Variants in DTD1 observed in about 807,000 individuals in gnomAD.
DTD1 encodes the protein D-tyrosyl-tRNA deacylase 1 homolog.
DTD1 carries 13 observed loss-of-function variants against 25.6 expected under a neutral mutation model. That is an observed-to-expected ratio of 0.51 (90% CI 0.33 to 0.81). The LOEUF (loss-of-function observed/expected upper bound fraction) is 0.81. DTD1 is among the 30% of genes least tolerant of loss of function. DTD1 has a pLI of 0.02. For missense variants in DTD1, 193 were observed against 266.4 expected (o/e 0.72, Z 1.92); for synonymous variants, 110 against 103.6 (o/e 1.06, Z -0.37).
chr20:18,637,878 CTCCTTT>C (rs1197336269), intron 4 of DTD1, among the ~76,000 whole-genome samples: 2 of 152,086 alleles, frequency 1.3e-5, no homozygotes, highest in African/African-American at 4.8e-5. Context: ...ACAATTTTTT[CTCCTTT>C]GTGTCTCTGC....
At position 18,628,173 on chromosome 20, in the gene DTD1, G is replaced by A. The variant is rs746109514; in HGVS notation, c.417G>A (p.Gly139=). Residue 139 remains glycine, a synonymous_variant, in exon 4 of 6, where the codon GGG becomes GGA. Transcript: ENST00000377452. ...TGCAGGTGCACATTCAGAATGATGGGCCTGTGACCATAGAGCTGGAATCGC... is the reference window on the plus strand; with the variant it reads ...TGCAGGTGCACATTCAGAATGATGGACCTGTGACCATAGAGCTGGAATCGC... ...AYMQVHIQND[G]PVTIELESPA... is the part of the protein sequence containing the mutation. 4 of 1,613,826 alleles carry A rather than the reference G, an allele frequency of 2.5e-6. No homozygotes were observed. The African/African-American group carries it at 5.3e-5, about 22-fold the overall frequency.
intron 4 of DTD1, among the ~76,000 whole-genome samples, chr20:18,701,989 T>A (rs1429703126): frequency 6.6e-6 from 1 of 152,238 alleles, no homozygotes; most frequent in Non-Finnish European, 1.5e-5. Context: ...AGGTCCATTG[T>A]AAAATCTTGC....
chr20:18,648,122 T>C (rs1438544111), intron 4 of DTD1, among the ~76,000 whole-genome samples: 1 of 152,140 alleles, frequency 6.6e-6, no homozygotes, highest in African/African-American at 2.4e-5. Context: ...ATATTATAGA[T>C]AAAGGACCAG....
intron 4 of DTD1, among the ~76,000 whole-genome samples, chr20:18,725,247 G>A (rs1047379965): frequency 2.6e-5 from 4 of 152,186 alleles, no homozygotes; most frequent in African/African-American, 9.7e-5. Context: ...AGCATGGAAA[G>A]GGGCAGTAAC....
At chr20:18,757,315 A>G (rs1218380308) in intron 5 of DTD1, among the ~76,000 whole-genome samples, 2 of 152,198 alleles carry the variant, frequency 1.3e-5, no homozygotes, top group Non-Finnish European at 2.9e-5. Context: ...TATGTTGAAT[A>G]GGAGTGGTGA....
At chr20:18,759,734 AGT>A (rs2061353793) in intron 5 of DTD1, among the ~76,000 whole-genome samples, 1 of 152,216 alleles carries the variant, frequency 6.6e-6, no homozygotes, top group Non-Finnish European at 1.5e-5. Flanking sequence ...CTTCTCGAGC[AGT>A]ATCTTTGTGG....
chr20:18,639,208 T>C (rs2060819880), intron 4 of DTD1, among the ~76,000 whole-genome samples: 1 of 146,956 alleles, frequency 6.8e-6, no homozygotes, highest in African/African-American at 2.5e-5. Flanking sequence ...AGCAAGCAAG[T>C]TCAGGGAAGC....
At chr20:18,762,244 C>G (rs2061365891) in intron 5 of DTD1, among the ~76,000 whole-genome samples, 1 of 152,214 alleles carries the variant, frequency 6.6e-6, no homozygotes. Flanking sequence ...GTATTGAAAT[C>G]TTTTGCTTTT....
At chr20:18,646,392 AC>A (rs1446022011) in intron 4 of DTD1, among the ~76,000 whole-genome samples, 13 of 152,124 alleles carry the variant, frequency 8.5e-5, no homozygotes, top group Admixed American at 8.5e-4. Flanking sequence ...TCCTGAATCT[AC>A]CATTCACCCC....
At chr20:18,667,360 C>T (rs2060935119) in intron 4 of DTD1, among the ~76,000 whole-genome samples, 1 of 152,176 alleles carries the variant, frequency 6.6e-6, no homozygotes, top group Admixed American at 6.5e-5. Context: ...AAAGATGGCT[C>T]AGCTCATCCT....
At chr20:18,596,291 T>C (rs2060611424) in intron 3 of DTD1, 50 bp downstream of exon 3, 1 of 1,493,430 alleles carries the variant, frequency 6.7e-7, no homozygotes, top group African/African-American at 1.4e-5. Context: ...CACTCCTGGA[T>C]GGAGAGAAAA....
intron 3 of DTD1, among the ~76,000 whole-genome samples, chr20:18,615,619 A>G (rs994460002): frequency 1.3e-5 from 2 of 152,242 alleles, no homozygotes; most frequent in African/African-American, 4.8e-5. Context: ...CTTTGCTCTC[A>G]AGCTTCTAGT....
chr20:18,646,350 G>A (rs1299935330), intron 4 of DTD1, among the ~76,000 whole-genome samples: 4 of 152,122 alleles, frequency 2.6e-5, no homozygotes, highest in Admixed American at 6.5e-5. Flanking sequence ...CTTGTGGGCC[G>A]CATCTCAAGG....
chr20:18,689,391 A>T (rs2061032848), intron 4 of DTD1, among the ~76,000 whole-genome samples: 1 of 152,224 alleles, frequency 6.6e-6, no homozygotes, highest in Non-Finnish European at 1.5e-5. Flanking sequence ...AATCACCTAT[A>T]GACTTTCTTT....
At chr20:18,690,226 T>G (rs552017876) in intron 4 of DTD1, among the ~76,000 whole-genome samples, 1 of 152,240 alleles carries the variant, frequency 6.6e-6, no homozygotes, top group East Asian at 1.9e-4. Context: ...TAAAAATTTC[T>G]TGTAGATTTT....
intron 4 of DTD1, among the ~76,000 whole-genome samples, chr20:18,726,364 G>GC (rs2061222448): frequency 6.6e-6 from 1 of 152,142 alleles, no homozygotes; most frequent in Admixed American, 6.5e-5. Flanking sequence ...CAGCCTCTGA[G>GC]CCCCATGTTT....
At chr20:18,690,702 G>A (rs1306541984) in intron 4 of DTD1, among the ~76,000 whole-genome samples, 1 of 151,910 alleles carries the variant, frequency 6.6e-6, no homozygotes, top group Non-Finnish European at 1.5e-5. Context: ...ATTAGTCTGT[G>A]TGTCTGCTTT....
chr20:18,685,486 G>C (rs1242460059), intron 4 of DTD1, among the ~76,000 whole-genome samples: 2 of 152,204 alleles, frequency 1.3e-5, no homozygotes, highest in African/African-American at 4.8e-5. Flanking sequence ...GAGGCGCCAG[G>C]AAGGGAGAAG....
At chr20:18,761,194 A>T (rs988892850) in intron 5 of DTD1, among the ~76,000 whole-genome samples, 1 of 152,014 alleles carries the variant, frequency 6.6e-6, no homozygotes, top group African/African-American at 2.4e-5. Context: ...GGGCGAGGCG[A>T]TGCCTCGCCC....
Sources: allele counts gnomAD v4.1 joint callset (sites outside exome capture counted in the v4.1 genomes callset), GRCh38; gene constraint gnomAD v4.1.1; transcripts MANE v1.5; gene names NCBI Gene and HGNC (gene_info 2026-07-23, HGNC 2026-07-21).